UNC5D: variants seen among roughly 807,000 people sequenced by gnomAD.
UNC5D encodes the protein unc-5 netrin receptor D.
UNC5D carries 39 observed loss-of-function variants against 105.4 expected under a neutral mutation model. The observed-to-expected ratio is 0.37, with a 90% CI of 0.29 to 0.48. The LOEUF (loss-of-function observed/expected upper bound fraction) is 0.48, where lower values mean the gene tolerates loss of function less well. Ranked by LOEUF, UNC5D falls within the 20% of genes least tolerant of loss-of-function variation. The pLI is 0.98. For synonymous variants in UNC5D, 452 were observed against 450.4 expected, an observed-to-expected ratio of 1.00 and a Z score of -0.04; for missense variants, 991 against 1,202.4, an observed-to-expected ratio of 0.82 and a Z score of 2.60.
At chr8:35,494,027 A>G (rs528524452) in intron 1 of UNC5D, among the ~76,000 whole-genome samples, 1 of 152,284 alleles carries the variant, frequency 6.6e-6, no homozygotes, top group South Asian at 2.1e-4. Flanking sequence ...AGATAGTTCT[A>G]TTTAATACAG....
chr8:35,529,564 A>G (rs1309817124), intron 1 of UNC5D, among the ~76,000 whole-genome samples: 1 of 113,186 alleles, frequency 8.8e-6, no homozygotes, highest in Non-Finnish European at 1.7e-5. Context: ...ACTTTAAAGT[A>G]GTTTTTTCCA....
chr8:35,657,994 G>A (rs34742024), intron 4 of UNC5D, among the ~76,000 whole-genome samples: 7,726 of 152,146 alleles, frequency 0.051, 251 homozygotes, highest in Non-Finnish European at 0.079. Flanking sequence ...ACATATTACC[G>A]CCAAAGACAT....
At chr8:35,450,430 A>G (rs1426080509) in intron 1 of UNC5D, among the ~76,000 whole-genome samples, 1 of 152,134 alleles carries the variant, frequency 6.6e-6, no homozygotes. Flanking sequence ...CATAATATTG[A>G]TATCTATTTA....
intron 1 of UNC5D, among the ~76,000 whole-genome samples, chr8:35,485,033 A>G (rs953345): frequency 0.17 from 26,338 of 152,154 alleles, 3,023 homozygotes; most frequent in African/African-American, 0.29. Context: ...TGAGGCAGAG[A>G]TGTATGGTAG....
intron 1 of UNC5D, among the ~76,000 whole-genome samples, chr8:35,311,159 A>G (rs1175148725): frequency 6.6e-6 from 1 of 152,188 alleles, no homozygotes. Context: ...TGGAGAAAGG[A>G]CACATGGCAT....
chr8:35,479,021 G>T (rs1057108082), intron 1 of UNC5D, among the ~76,000 whole-genome samples: 1 of 152,172 alleles, frequency 6.6e-6, no homozygotes, highest in Non-Finnish European at 1.5e-5. Context: ...TGTCTTTGGA[G>T]TTCAGAAATA....
chr8:35,309,585 T>C (rs1808717852), intron 1 of UNC5D, among the ~76,000 whole-genome samples: 1 of 152,124 alleles, frequency 6.6e-6, no homozygotes, highest in Admixed American at 6.6e-5. Flanking sequence ...ATCCCAAAGG[T>C]TAGTTGTGGA....
intron 1 of UNC5D, among the ~76,000 whole-genome samples, chr8:35,456,576 G>A (rs1337343760): frequency 3.3e-5 from 5 of 152,174 alleles, no homozygotes; most frequent in African/African-American, 4.8e-5. Context: ...GAGGGGTAGG[G>A]ATCTCCCAGA....
At chr8:35,695,667 G>C (rs1181649209) in intron 7 of UNC5D, among the ~76,000 whole-genome samples, 1 of 151,846 alleles carries the variant, frequency 6.6e-6, no homozygotes, top group African/African-American at 2.4e-5. Flanking sequence ...TCATTCATAA[G>C]AAATACATGT....
intron 1 of UNC5D, among the ~76,000 whole-genome samples, chr8:35,447,781 C>A (rs773419097): frequency 6.6e-6 from 1 of 151,968 alleles, no homozygotes; most frequent in Non-Finnish European, 1.5e-5. Flanking sequence ...CATCCTCTAC[C>A]CTCATCGAGT....
At chr8:35,715,840 G>C (rs1382526202) in intron 8 of UNC5D, among the ~76,000 whole-genome samples, 4 of 152,124 alleles carry the variant, frequency 2.6e-5, no homozygotes, top group Admixed American at 6.6e-5. Context: ...GAGGAATTTT[G>C]AGTTGCAGGG....
chr8:35,680,551 A>G (rs1464865148), intron 4 of UNC5D, among the ~76,000 whole-genome samples: 1 of 152,160 alleles, frequency 6.6e-6, no homozygotes, highest in Non-Finnish European at 1.5e-5. Context: ...TTAACCTTAT[A>G]TCTATCAAAT....
intron 1 of UNC5D, among the ~76,000 whole-genome samples, chr8:35,435,253 A>G (rs1039151295): frequency 5.9e-5 from 9 of 152,142 alleles, no homozygotes; most frequent in Admixed American, 3.9e-4. Flanking sequence ...CACTTGAAAG[A>G]TTAAATATGA....
At chr8:35,448,032 C>A (rs1304366283) in intron 1 of UNC5D, among the ~76,000 whole-genome samples, 1 of 152,122 alleles carries the variant, frequency 6.6e-6, no homozygotes, top group Non-Finnish European at 1.5e-5. Flanking sequence ...CATCCTACCA[C>A]CGCCTCCCTT....
intron 4 of UNC5D, among the ~76,000 whole-genome samples, chr8:35,619,463 G>A (rs1398608477): frequency 1.3e-5 from 2 of 152,154 alleles, no homozygotes; most frequent in Non-Finnish European, 2.9e-5. Context: ...TCAGGCATTG[G>A]ATCACAAAGT....
At chr8:35,602,124 AGTCTG>A (rs1819932179) in intron 4 of UNC5D, among the ~76,000 whole-genome samples, 1 of 152,346 alleles carries the variant, frequency 6.6e-6, no homozygotes, top group East Asian at 1.9e-4. Flanking sequence ...ATGTTGAACC[AGTCTG>A]GCATCCCAGG....
intron 3 of UNC5D, among the ~76,000 whole-genome samples, chr8:35,572,804 C>CTTT (rs34528421): frequency 2.9e-5 from 4 of 135,882 alleles, no homozygotes; most frequent in Admixed American, 7.4e-5. Flanking sequence ...TTTTATATTT[C>CTTT]TTTTTTTTTT....
At chr8:35,428,018 A>G (rs1563408147) in intron 1 of UNC5D, among the ~76,000 whole-genome samples, 1 of 152,156 alleles carries the variant, frequency 6.6e-6, no homozygotes, top group African/African-American at 2.4e-5. Context: ...TGGAAGCTCA[A>G]TATTTGATAA....
chr8:35,503,218 G>T (rs975259824), intron 1 of UNC5D, among the ~76,000 whole-genome samples: 5 of 152,064 alleles, frequency 3.3e-5, no homozygotes, highest in African/African-American at 1.2e-4. Flanking sequence ...TCACATAGTC[G>T]GTGTATTAGT....
Sources: allele counts gnomAD v4.1 joint callset (sites outside exome capture counted in the v4.1 genomes callset), GRCh38; gene constraint gnomAD v4.1.1; transcripts MANE v1.5; gene names NCBI Gene and HGNC (gene_info 2026-07-23, HGNC 2026-07-21).